Variants in TSNARE1 observed in about 807,000 individuals in gnomAD.
TSNARE1 encodes the protein t-SNARE domain-containing protein 1.
Under a neutral mutation model 62.0 loss-of-function variants are expected in TSNARE1, and 49 were observed. The observed-to-expected ratio is 0.79, with a 90% CI of 0.63 to 1.00. The LOEUF (loss-of-function observed/expected upper bound fraction) is 1.00, where lower values mean the gene tolerates loss of function less well. Among genes scored for constraint, TSNARE1 ranks in the 50% least tolerant of loss-of-function variants. TSNARE1 has a pLI of 0.00. For synonymous variants in TSNARE1, 328 were observed against 294.4 expected, an observed-to-expected ratio of 1.11 and a Z score of -1.17; for missense variants, 755 against 700.1, an observed-to-expected ratio of 1.08 and a Z score of -0.88.
At chr8:142,321,377 T>C (rs1440497991) in intron 6 of TSNARE1, among the ~76,000 whole-genome samples, 2 of 152,176 alleles carry the variant, frequency 1.3e-5, no homozygotes, top group African/African-American at 4.8e-5. Context: ...TTTAAATTCT[T>C]ATATTAGAAA....
rs1409750128 is a variant in TSNARE1, at chr8:142,314,424, G to T, written c.1091C>A (p.Ser364Tyr). 1.9e-6 allele frequency: 3 copies of T among 1,613,900 alleles called. No homozygotes were observed. In the African/African-American group the frequency reaches 4.0e-5, roughly 22 times the overall value. Residue 364 changes from serine to tyrosine, a missense_variant, in exon 9 of 14, where the codon TCC (serine) becomes TAC (tyrosine). By Grantham distance (144) the Ser-to-Tyr change is moderately radical (BLOSUM62 -2). Transcript: ENST00000524325. ...CTGCGCCATGGGAAGCAGCGCTCTG[G>T]ACTTTTCTGCAATTTTCTGTTGAAA... ...GVVQKKIAEKSRALLPMAQRG... is the reference protein window; with the variant it reads ...GVVQKKIAEKYRALLPMAQRG...
At chr8:142,238,653 C>T (rs1484838784) in intron 12 of TSNARE1, among the ~76,000 whole-genome samples, 2 of 152,024 alleles carry the variant, frequency 1.3e-5, no homozygotes, top group African/African-American at 4.8e-5. Flanking sequence ...CACACTCCTC[C>T]TGCCTCACCT....
intron 1 of TSNARE1, among the ~76,000 whole-genome samples, chr8:142,367,091 T>C (rs890721751): frequency 1.3e-5 from 2 of 152,202 alleles, no homozygotes; most frequent in Admixed American, 1.3e-4. Flanking sequence ...AAGGGGACTT[T>C]AAAGTATTTT....
chr8:142,324,448 G>A (rs1324847113), intron 6 of TSNARE1, among the ~76,000 whole-genome samples: 3 of 152,310 alleles, frequency 2.0e-5, no homozygotes, highest in South Asian at 2.1e-4. Flanking sequence ...AGGAGTCTGC[G>A]AGGCCTGCCT....
chr8:142,308,789 C>A (rs915131263), intron 9 of TSNARE1, among the ~76,000 whole-genome samples: 1 of 152,216 alleles, frequency 6.6e-6, no homozygotes, highest in African/African-American at 2.4e-5. Flanking sequence ...ACAGTTCACA[C>A]ACACACACAC....
intron 13 of TSNARE1, among the ~76,000 whole-genome samples, chr8:142,221,673 CCACTCATCCACTCACTCACTCATCCACT>C (rs1563753682): frequency 5.5e-5 from 6 of 108,282 alleles, no homozygotes; most frequent in Non-Finnish European, 7.8e-5. Context: ...ACTCACTCAT[CCACTCATCCACTCACTCACTCATCCACT>C]CACTCATCCA....
chr8:142,268,486 G>A (rs1001121102), intron 12 of TSNARE1, among the ~76,000 whole-genome samples: 6 of 152,160 alleles, frequency 3.9e-5, no homozygotes, highest in Non-Finnish European at 7.3e-5. Context: ...TCTGCTGTCC[G>A]TCCTGCAGGG....
chr8:142,310,129 G>A (rs1827333021), intron 9 of TSNARE1, among the ~76,000 whole-genome samples: 1 of 151,758 alleles, frequency 6.6e-6, no homozygotes, highest in African/African-American at 2.4e-5. Flanking sequence ...ATCTTGTAGG[G>A]GTTTAACAAC....
At chr8:142,305,269 C>G (rs1826471467) in intron 9 of TSNARE1, among the ~76,000 whole-genome samples, 1 of 150,866 alleles carries the variant, frequency 6.6e-6, no homozygotes, top group African/African-American at 2.4e-5. Context: ...GGAGACCTGC[C>G]TCGGATCTGT....
chr8:142,245,427 G>A lies in TSNARE1; in HGVS notation c.1447-15848C>T, dbSNP rs77996877. ...TGCAAACACTCTACGCATCCATTGAGAGGAGAATGGATATAAATCATGCTA... is the reference window on the plus strand; with the variant it reads ...TGCAAACACTCTACGCATCCATTGAAAGGAGAATGGATATAAATCATGCTA... On this transcript the variant is annotated intron_variant, in intron 12 of 13. Coordinates refer to ENST00000524325, the MANE Select transcript of TSNARE1 (RefSeq NM_145003.5). Among the ~76,000 whole-genome samples the A allele has an allele frequency of 4.2e-4, 64 of 152,330 alleles. 1 individual carries two copies. In the East Asian group the frequency reaches 0.011, roughly 27 times the overall value.
Position 142,331,877 on chromosome 8 carries a change from G to A in TSNARE1, c.746-46C>T, listed in dbSNP as rs550973826. On this transcript the variant is annotated intron_variant, in intron 4 of 13. Coordinates refer to ENST00000524325, the MANE Select transcript of TSNARE1 (RefSeq NM_145003.5). The stretch of plus-strand genomic sequence containing the variant: ...GGAAAGAACACAGGCTAAGGGTGAA[G>A]CCTGCAGGCCCAGCTCTGCTAACCG... 2.4e-5 allele frequency: 37 copies of A among 1,553,620 alleles called. No individual in the cohort carries two copies. The Admixed American group carries it at 3.5e-4, about 15-fold the overall frequency.
In TSNARE1 at chr8:142,319,603, G is replaced by A. The variant is rs554794402; in HGVS notation, c.894-969C>T. On this transcript the variant is annotated intron_variant, in intron 6 of 13. Transcript: ENST00000524325. This position sits in a 1 kb window ranked among gnomAD's most constrained non-coding sequence, Gnocchi z 4.9. ...TGGGGAGCCTCAGTGACCCTTTCAA[G>A]TACAGCCCAAAAGGCCCCTGCAGGC... Among the ~76,000 whole-genome samples, 42 of 152,252 alleles carry A rather than the reference G, an allele frequency of 2.8e-4. No individual in the cohort carries two copies. Among genetic ancestry groups the A allele is most frequent in the Admixed American group, 2.7e-3 (41 of 15,302 alleles).
chr8:142,239,839 A>G (rs1365321518), intron 12 of TSNARE1, among the ~76,000 whole-genome samples: 2 of 152,248 alleles, frequency 1.3e-5, no homozygotes, highest in Non-Finnish European at 2.9e-5. Context: ...AGCATTAACA[A>G]TGGTGGATGG....
chr8:142,395,010 G>A (rs909667728), intron 1 of TSNARE1, among the ~76,000 whole-genome samples: 1 of 152,154 alleles, frequency 6.6e-6, no homozygotes, highest in South Asian at 2.1e-4. Context: ...AGGCTGCTCT[G>A]GGAATTCAGG....
chr8:142,352,423 C>T (rs1281073969), intron 2 of TSNARE1, among the ~76,000 whole-genome samples: 1 of 152,254 alleles, frequency 6.6e-6, no homozygotes, highest in Non-Finnish European at 1.5e-5. Context: ...GGGTGGGGCC[C>T]GCATCAGCTC....
At chr8:142,281,262 G>A (rs542195313) in intron 11 of TSNARE1, among the ~76,000 whole-genome samples, 3 of 152,246 alleles carry the variant, frequency 2.0e-5, no homozygotes, top group South Asian at 4.2e-4. Context: ...CTCAACTGAG[G>A]AAAAGAGACA....
chr8:142,244,599 G>A (rs2130221454), intron 12 of TSNARE1, among the ~76,000 whole-genome samples: 1 of 152,326 alleles, frequency 6.6e-6, no homozygotes, highest in Non-Finnish European at 1.5e-5. Flanking sequence ...GTTATCTATG[G>A]AACTTGACAA....
Position 142,221,792 on chromosome 8 carries a change from C to T in TSNARE1, c.*11+7681G>A, listed in dbSNP as rs1349909030. ...ACTCACTCATTCACTCACTCATCCA[C>T]TCATTCACTCACTCATCCACTCACT... On this transcript the variant is annotated intron_variant, in intron 13 of 13. Coordinates refer to ENST00000524325, the MANE Select transcript of TSNARE1 (RefSeq NM_145003.5). Among the ~76,000 whole-genome samples, 2 of 139,330 alleles carry T rather than the reference C, an allele frequency of 1.4e-5. 1 individual carries two copies. The highest frequency in any genetic ancestry group is 3.2e-5 in the Non-Finnish European group (2 of 63,376). 91.4% of individuals were successfully genotyped at this position (139,330 alleles called of 152,430 possible).
chr8:142,298,900 G>C lies in TSNARE1; in HGVS notation c.1290+1586C>G, dbSNP rs966570371. On this transcript the variant is annotated intron_variant, in intron 10 of 13. Transcript: ENST00000524325. ...GAGCACCCGTTTCTCCACTCCTCTG[G>C]GAACAGTGGGCCTCGTGCACCAGCA... 9.8e-5 allele frequency among the ~76,000 whole-genome samples: 15 copies of C among 152,306 alleles called. No homozygotes were observed. The Middle Eastern group carries it at 0.01, about 104-fold the overall frequency.
Sources: gnomAD v4.1 joint callset for allele counts (sites outside exome capture counted in the v4.1 genomes callset) on GRCh38, gnomAD v4.1.1 for gene constraint, Gnocchi (gnomAD v3.1) non-coding constraint, MANE v1.5 for transcripts, NCBI Gene and HGNC (gene_info 2026-07-23, HGNC 2026-07-21) for gene names.